The following SPATA13 variants were observed in gnomAD, a reference collection of about 807,000 sequenced individuals.
SPATA13 encodes spermatogenesis-associated protein 13.
Under a neutral mutation model 104.0 loss-of-function variants are expected in SPATA13, and 50 were observed. The observed-to-expected ratio is 0.48, with a 90% CI of 0.38 to 0.61. SPATA13 has a LOEUF of 0.61. Among genes scored for constraint, SPATA13 ranks in the 20% least tolerant of loss-of-function variants. The pLI is 0.00. For synonymous variants in SPATA13, 606 were observed against 667.5 expected, an observed-to-expected ratio of 0.91 and a Z score of 1.42; for missense variants, 1,524 against 1,690.6, an observed-to-expected ratio of 0.90 and a Z score of 1.73.
At chr13:24,216,633 G>T (rs955363908) in intron 1 of SPATA13, among the ~76,000 whole-genome samples, 1 of 152,184 alleles carries the variant, frequency 6.6e-6, no homozygotes, top group Non-Finnish European at 1.5e-5. Flanking sequence ...GGGTAAGGGG[G>T]CTTCTTTCTT....
At chr13:24,099,964 G>A (rs1880202856) in intron 3 of SPATA13, among the ~76,000 whole-genome samples, 3 of 152,178 alleles carry the variant, frequency 2.0e-5, no homozygotes, top group Admixed American at 2.0e-4. Flanking sequence ...TTTAGTGGAG[G>A]AAGAACCGTG....
chr13:24,019,093 A>AT (rs71915188), intron 3 of SPATA13, among the ~76,000 whole-genome samples: 62 of 141,110 alleles, frequency 4.4e-4, no homozygotes, highest in East Asian at 1.0e-3. Context: ...TATTATTATT[A>AT]TTTTTTTTTT....
At chr13:24,142,637 CTTT>C in intron 3 of SPATA13, among the ~76,000 whole-genome samples, 1 of 152,208 alleles carries the variant, frequency 6.6e-6, no homozygotes, top group East Asian at 1.9e-4. Context: ...TCTTCAACAA[CTTT>C]TTTCCTCCTC....
chr13:24,101,453 T>C, intron 3 of SPATA13, among the ~76,000 whole-genome samples: 1 of 151,852 alleles, frequency 6.6e-6, no homozygotes, highest in Admixed American at 6.6e-5. Flanking sequence ...TTAATACTGC[T>C]GTGTATTCAA....
At chr13:24,116,483 G>T (rs374678681) in intron 3 of SPATA13, among the ~76,000 whole-genome samples, 4 of 152,154 alleles carry the variant, frequency 2.6e-5, no homozygotes, top group African/African-American at 4.8e-5. Context: ...GGTGGCTGCC[G>T]CAGTAGCATT....
rs777370586 is a variant in SPATA13 at position 24,286,207 on chromosome 13, C to T, written c.2302-7C>T. The T allele has an allele frequency of 1.9e-6, 3 of 1,608,040 alleles. No individual in the cohort carries two copies. The highest frequency in any genetic ancestry group is 2.5e-6 in the Non-Finnish European group (3 of 1,176,524). ...TATGCTGAGCGCACCCCACTGTCTCCTTTCAGCTGATCAGTGATGGCAACG... is the reference window on the plus strand; with the variant it reads ...TATGCTGAGCGCACCCCACTGTCTCTTTTCAGCTGATCAGTGATGGCAACG... On this transcript the variant is annotated splice_polypyrimidine_tract_variant and splice_region_variant and intron_variant, in intron 5 of 12. Coordinates refer to ENST00000382108, the MANE Select transcript of SPATA13 (RefSeq NM_001166271.3). The surrounding 1 kb of genome is among the most constrained non-coding windows in gnomAD (Gnocchi z 4.9).
intron 1 of SPATA13, among the ~76,000 whole-genome samples, chr13:24,198,792 A>C (rs1194437428): frequency 6.6e-6 from 1 of 152,176 alleles, no homozygotes; most frequent in Non-Finnish European, 1.5e-5. Context: ...GCAGGTCAGC[A>C]AAGTTAGATG....
upstream of SPATA13, among the ~76,000 whole-genome samples, chr13:24,156,686 G>A (rs1369579624): frequency 1.3e-5 from 2 of 152,184 alleles, no homozygotes; most frequent in Non-Finnish European, 2.9e-5. Flanking sequence ...ATCAATGATA[G>A]CCACCAGTTA....
At chr13:24,016,737 C>A (rs1025679674) in intron 2 of SPATA13, among the ~76,000 whole-genome samples, 3 of 152,198 alleles carry the variant, frequency 2.0e-5, no homozygotes, top group Non-Finnish European at 4.4e-5. Context: ...GAGAAAAGCC[C>A]CTGGAAGGCA....
Position 24,223,039 on chromosome 13 carries a change from A to C in SPATA13, c.110A>C (p.Lys37Thr), listed in dbSNP as rs796273911. ...PAAPCAGSDL[K>T]DAKMVTSLAC... The stretch of plus-strand genomic sequence containing the variant: ...GCCCCCTGTGCAGGCTCGGACCTGA[A>C]AGACGCCAAGATGGTGACCTCCCTT... Residue 37 changes from lysine (K) to threonine (T), a missense_variant, in exon 2 of 13, where the codon AAA becomes ACA. Physicochemically the swap from Lys to Thr is moderately conservative, Grantham distance 78. Transcript: ENST00000382108. The C allele has an allele frequency of 4.5e-6, 7 of 1,551,682 alleles. No homozygotes were observed. The Admixed American group carries it at 1.4e-4, about 30-fold the overall frequency.
At chr13:24,034,464 T>C (rs145147562) in intron 3 of SPATA13, 12 of 152,290 alleles carry the variant, frequency 7.9e-5, no homozygotes, top group African/African-American at 2.9e-4. Flanking sequence ...ACCTAACAGG[T>C]CTTAATAGAG....
chr13:24,210,287 G>A (rs963624509), intron 1 of SPATA13, among the ~76,000 whole-genome samples: 3 of 152,004 alleles, frequency 2.0e-5, no homozygotes, highest in Non-Finnish European at 2.9e-5. Context: ...ATACAGTCTC[G>A]TGTCTATTTT....
In SPATA13 at chr13:24,215,517, G is replaced by A. The variant is rs1057229830; in HGVS notation, c.-111-7302G>A. On this transcript the variant is annotated intron_variant, in intron 1 of 12. Coordinates refer to ENST00000382108, the MANE Select transcript of SPATA13 (RefSeq NM_001166271.3). ...GTTGAAAATTAATCTCATTTCCTCAGAATGCAAAGCTATAAATTGGGGCTC... is the reference window on the plus strand; with the variant it reads ...GTTGAAAATTAATCTCATTTCCTCAAAATGCAAAGCTATAAATTGGGGCTC... Among the ~76,000 whole-genome samples, 20 of 152,102 alleles carry A rather than the reference G, an allele frequency of 1.3e-4. 1 individual carries two copies. Among genetic ancestry groups the A allele is most frequent in the African/African-American group, 4.1e-4 (17 of 41,414 alleles).
chr13:24,120,853 G>T (rs1298064453), intron 3 of SPATA13, among the ~76,000 whole-genome samples: 1 of 152,158 alleles, frequency 6.6e-6, no homozygotes. Flanking sequence ...ATGGTTGGAG[G>T]GAAAAGTACA....
intron 2 of SPATA13, among the ~76,000 whole-genome samples, chr13:24,249,135 G>A (rs1395998378): frequency 6.6e-6 from 1 of 152,206 alleles, no homozygotes; most frequent in Non-Finnish European, 1.5e-5. Context: ...CTCCCAGAGT[G>A]CTAGGATTAC....
At chr13:24,204,765 G>A (rs1044769730) in intron 1 of SPATA13, among the ~76,000 whole-genome samples, 3 of 152,142 alleles carry the variant, frequency 2.0e-5, no homozygotes, top group African/African-American at 7.2e-5. Flanking sequence ...CCCTGCTGTA[G>A]CATGAGTCAG....
chr13:24,273,053 G>GA (rs916730099), intron 4 of SPATA13: 1 of 152,876 alleles, frequency 6.5e-6, no homozygotes, highest in African/African-American at 2.4e-5. Flanking sequence ...GGATGGACGG[G>GA]AGGAGCCGTG....
At chr13:24,259,633 G>A (rs561545816) in intron 4 of SPATA13, among the ~76,000 whole-genome samples, 1 of 152,206 alleles carries the variant, frequency 6.6e-6, no homozygotes, top group Non-Finnish European at 1.5e-5. Flanking sequence ...TCTCTATTTA[G>A]GGATTAGTAT....
At chr13:24,302,151 T>C (rs770047178) in intron 12 of SPATA13, among the ~76,000 whole-genome samples, 59 of 152,232 alleles carry the variant, frequency 3.9e-4, no homozygotes, top group South Asian at 4.1e-4. Context: ...CCCTGTCAAG[T>C]TGTTGTCATA....
Sources: gnomAD v4.1 joint callset for allele counts (sites outside exome capture counted in the v4.1 genomes callset) on GRCh38, gnomAD v4.1.1 for gene constraint, Gnocchi (gnomAD v3.1) non-coding constraint, MANE v1.5 for transcripts, NCBI Gene and HGNC (gene_info 2026-07-23, HGNC 2026-07-21) for gene names.